Variants in TDRD3 observed in about 807,000 individuals in gnomAD.
TDRD3 encodes the protein tudor domain containing 3.
TDRD3 carries 45 observed loss-of-function variants against 86.7 expected under a neutral mutation model. The ratio of observed to expected loss-of-function variants is 0.52; its 90% CI spans 0.41 to 0.67. TDRD3 has a LOEUF of 0.67. Among genes scored for constraint, TDRD3 ranks in the 30% least tolerant of loss-of-function variants. The probability of loss-of-function intolerance (pLI) is 0.00; values close to 1 mark genes in which losing one functional copy is unlikely to be tolerated. For synonymous variants in TDRD3, 298 were observed against 301.7 expected (o/e 0.99, Z 0.13); for missense variants, 814 against 889.0 (o/e 0.92, Z 1.07).
At chr13:60,509,146 G>A (rs1204613272) in intron 8 of TDRD3, among the ~76,000 whole-genome samples, 1 of 152,110 alleles carries the variant, frequency 6.6e-6, no homozygotes, top group Non-Finnish European at 1.5e-5. Flanking sequence ...CGTAGGATAT[G>A]TTTATACTCC....
At chr13:60,410,356 C>T (rs1269104236) in intron 1 of TDRD3, among the ~76,000 whole-genome samples, 11 of 152,068 alleles carry the variant, frequency 7.2e-5, no homozygotes, top group Non-Finnish European at 1.6e-4. Flanking sequence ...AGTTCAAGTC[C>T]ACTGGGGTTT....
intron 5 of TDRD3, among the ~76,000 whole-genome samples, chr13:60,469,874 GGCAAA>G (rs1462061798): frequency 1.3e-5 from 2 of 151,962 alleles, no homozygotes; most frequent in Non-Finnish European, 2.9e-5. Context: ...TTTTTATTGT[GGCAAA>G]GTATACATAA....
At chr13:60,493,438 G>A (rs1049859765) in intron 7 of TDRD3, among the ~76,000 whole-genome samples, 1 of 152,040 alleles carries the variant, frequency 6.6e-6, no homozygotes, top group African/African-American at 2.4e-5. Context: ...AAGGTGGATA[G>A]ATCATCTCAG....
intron 1 of TDRD3, among the ~76,000 whole-genome samples, chr13:60,398,029 G>A (rs1266065141): frequency 5.3e-5 from 8 of 152,224 alleles, no homozygotes; most frequent in African/African-American, 1.9e-4. Context: ...GGGGGTGCTC[G>A]GTAGAACTTT....
chr13:60,493,212 C>T (rs1464849300), intron 7 of TDRD3, among the ~76,000 whole-genome samples: 1 of 151,796 alleles, frequency 6.6e-6, no homozygotes, highest in Non-Finnish European at 1.5e-5. Context: ...GCCACCGCGC[C>T]CGGCCTCAAA....
chr13:60,552,873 C>T (rs1253117843), intron 12 of TDRD3, among the ~76,000 whole-genome samples: 2 of 152,322 alleles, frequency 1.3e-5, no homozygotes, highest in African/African-American at 4.8e-5. Flanking sequence ...TTAGCCATGG[C>T]TGGAGCTGGG....
intron 8 of TDRD3, among the ~76,000 whole-genome samples, chr13:60,507,378 A>G (rs1023352311): frequency 1.3e-5 from 2 of 152,198 alleles, no homozygotes; most frequent in Non-Finnish European, 1.5e-5. Context: ...TCCACCTCTA[A>G]TCAAGAGCAT....
chr13:60,503,796 C>T (rs899581120), intron 8 of TDRD3, among the ~76,000 whole-genome samples: 12 of 152,136 alleles, frequency 7.9e-5, no homozygotes, highest in Non-Finnish European at 1.5e-5. Flanking sequence ...TTTCATTAGC[C>T]TTTACTATTA....
intron 1 of TDRD3, among the ~76,000 whole-genome samples, chr13:60,417,847 C>G (rs565572764): frequency 6.6e-6 from 1 of 152,300 alleles, no homozygotes; most frequent in Admixed American, 6.5e-5. Flanking sequence ...AGAGGTGGTA[C>G]ACTCATCTCA....
At chr13:60,508,577 T>C (rs1956987441) in intron 8 of TDRD3, among the ~76,000 whole-genome samples, 1 of 152,170 alleles carries the variant, frequency 6.6e-6, no homozygotes, top group East Asian at 1.9e-4. Flanking sequence ...TGCAGAAAAC[T>C]GAAACTGGAT....
intron 12 of TDRD3, among the ~76,000 whole-genome samples, chr13:60,562,868 A>T (rs115901336): frequency 6.6e-6 from 1 of 152,100 alleles, no homozygotes; most frequent in Admixed American, 6.6e-5. Flanking sequence ...ACCTCCACCA[A>T]CCAAATAATG....
At chr13:60,457,768 C>T (rs1955713942) in intron 3 of TDRD3, among the ~76,000 whole-genome samples, 2 of 152,302 alleles carry the variant, frequency 1.3e-5, no homozygotes, top group South Asian at 2.1e-4. Context: ...TCATGCTTCT[C>T]ACCTAGCTTT....
At chr13:60,463,972 C>G (rs1955859036) in intron 4 of TDRD3, among the ~76,000 whole-genome samples, 1 of 152,152 alleles carries the variant, frequency 6.6e-6, no homozygotes, top group South Asian at 2.1e-4. Context: ...TGGTGCCATC[C>G]TTGCAGTGAG....
intron 1 of TDRD3, among the ~76,000 whole-genome samples, chr13:60,398,497 T>C (rs1210902999): frequency 6.6e-6 from 1 of 152,204 alleles, no homozygotes; most frequent in Admixed American, 6.5e-5. Context: ...AAGATCTATA[T>C]GGTTCGTGAA....
chr13:60,570,924 T>C (rs1327454158), intron 13 of TDRD3, among the ~76,000 whole-genome samples: 1 of 152,224 alleles, frequency 6.6e-6, no homozygotes, highest in Non-Finnish European at 1.5e-5. Context: ...AACTGTAGCT[T>C]ATCCATATCA....
At chr13:60,400,459 C>T (rs1954063073) in intron 1 of TDRD3, among the ~76,000 whole-genome samples, 1 of 152,064 alleles carries the variant, frequency 6.6e-6, no homozygotes, top group Admixed American at 6.5e-5. Context: ...AATGTATCTT[C>T]TGGCTGGGCG....
intron 1 of TDRD3, among the ~76,000 whole-genome samples, chr13:60,419,049 TTC>T (rs1954592524): frequency 6.6e-6 from 1 of 152,242 alleles, no homozygotes; most frequent in Non-Finnish European, 1.5e-5. Context: ...ATGTTTTCAT[TTC>T]TCTTAGAGGA....
chr13:60,425,618 C>T (rs1954781748), intron 1 of TDRD3, among the ~76,000 whole-genome samples: 1 of 152,154 alleles, frequency 6.6e-6, no homozygotes, highest in Non-Finnish European at 1.5e-5. Context: ...TAATGTCCAT[C>T]GATGGAAAAA....
Position 60,422,260 on chromosome 13 carries a change from C to T in TDRD3, c.42-17428C>T, listed in dbSNP as rs180755056. On this transcript the variant is annotated intron_variant, in intron 1 of 13. Transcript: ENST00000377881. ...CCCTGTGAGACAAAATAGAACTACACAGGTGGAGGATTCATAATATGCCCC... is the reference window on the plus strand; with the variant it reads ...CCCTGTGAGACAAAATAGAACTACATAGGTGGAGGATTCATAATATGCCCC... Among the ~76,000 whole-genome samples the T allele has an allele frequency of 2.6e-5, 4 of 152,258 alleles. No individual in the cohort carries two copies. In the East Asian group the frequency reaches 7.7e-4, roughly 29 times the overall value.
Sources: gnomAD v4.1 joint callset for allele counts (sites outside exome capture counted in the v4.1 genomes callset) on GRCh38, gnomAD v4.1.1 for gene constraint, MANE v1.5 for transcripts, NCBI Gene and HGNC (gene_info 2026-07-23, HGNC 2026-07-21) for gene names.